ERI3: variants seen among roughly 807,000 people sequenced by gnomAD.
ERI3 encodes the protein ERI1 exoribonuclease 3.
ERI3 carries 18 observed loss-of-function variants against 44.4 expected under a neutral mutation model. The ratio of observed to expected loss-of-function variants is 0.41; its 90% CI spans 0.28 to 0.60. ERI3 has a LOEUF of 0.60. ERI3 is among the 20% of genes least tolerant of loss of function. The pLI is 0.36. For missense variants in ERI3, 294 were observed against 435.5 expected (o/e 0.68, Z 2.89); for synonymous variants, 183 against 164.8 (o/e 1.11, Z -0.84).
chr1:44,248,468 C>T (rs1264572942), intron 7 of ERI3, among the ~76,000 whole-genome samples: 1 of 152,130 alleles, frequency 6.6e-6, no homozygotes, highest in Non-Finnish European at 1.5e-5. Flanking sequence ...TCAGGCAGGA[C>T]CTTGGAAACC....
Position 44,221,644 on chromosome 1 carries a change from A to T in ERI3, c.932-4T>A, listed in dbSNP as rs766572632. On this transcript the variant is annotated splice_region_variant and splice_polypyrimidine_tract_variant and intron_variant, in intron 8 of 8. Coordinates refer to ENST00000372257, the MANE Select transcript of ERI3 (RefSeq NM_024066.3). This position sits in a 1 kb window ranked among gnomAD's most constrained non-coding sequence, Gnocchi z 5.9. ...TTGGCAATGTTCTTGCAGTCGTCTA[A>T]AAAGGAGAGAAGACATTTAGATCAG... is the stretch of plus-strand genomic sequence containing the variant. The T allele has an allele frequency of 6.2e-7, 1 of 1,613,130 alleles. No individual in the cohort carries two copies. Among genetic ancestry groups the T allele is most frequent in the East Asian group, 2.2e-5 (1 of 44,866 alleles).
intron 7 of ERI3, among the ~76,000 whole-genome samples, chr1:44,260,644 CTCAGTTTCT>C (rs1332026372): frequency 2.0e-5 from 3 of 152,188 alleles, no homozygotes; most frequent in African/African-American, 7.2e-5. Flanking sequence ...GCCCCTGGGT[CTCAGTTTCT>C]TCACTGAAAA....
At chr1:44,236,129 AG>A (rs969384655) in intron 8 of ERI3, among the ~76,000 whole-genome samples, 1 of 152,178 alleles carries the variant, frequency 6.6e-6, no homozygotes, top group African/African-American at 2.4e-5. Flanking sequence ...ATTAATCATG[AG>A]GACTAATGGG....
intron 8 of ERI3, among the ~76,000 whole-genome samples, chr1:44,230,716 C>T (rs1644162240): frequency 6.6e-6 from 1 of 152,224 alleles, no homozygotes; most frequent in African/African-American, 2.4e-5. Flanking sequence ...GGCCACCTCC[C>T]TCCCGAGAGA....
intron 6 of ERI3, among the ~76,000 whole-genome samples, chr1:44,302,897 T>C (rs1645756621): frequency 6.6e-6 from 1 of 152,234 alleles, no homozygotes; most frequent in Non-Finnish European, 1.5e-5. Flanking sequence ...TATGTGCCCT[T>C]GACAAATTAC....
At position 44,348,748 on chromosome 1, in the gene ERI3, G is replaced by A. The variant is rs112229081; in HGVS notation, c.211+4102C>T. Among the ~76,000 whole-genome samples, 829 of 152,366 alleles carry A rather than the reference G, an allele frequency of 5.4e-3. 6 individuals are homozygous for A. The highest frequency in any genetic ancestry group is 0.019 in the African/African-American group (782 of 41,584). ...ATGCATCAGACTGCAGTTCTGCAAT[G>A]ACTATGCACCTCTCACTCAAGGAAA... On this transcript the variant is annotated intron_variant, in intron 2 of 8. Coordinates refer to ENST00000372257, the MANE Select transcript of ERI3 (RefSeq NM_024066.3).
chr1:44,264,758 T>C (rs956369942), intron 7 of ERI3, among the ~76,000 whole-genome samples: 1 of 152,178 alleles, frequency 6.6e-6, no homozygotes, highest in African/African-American at 2.4e-5. Context: ...AAAGCCTAGA[T>C]TTACTGCCCA....
At position 44,310,951 on chromosome 1, in the gene ERI3, T is replaced by TCGCGCG. The variant is rs141114785; in HGVS notation, c.666+2212_666+2217dup. ...CCAACTCCTTGCATGTATGTGCACATCGCGCGCGCGCGCACACACACACAC... is the reference window on the plus strand; with the variant it reads ...CCAACTCCTTGCATGTATGTGCACATCGCGCGCGCGCGCGCGCGCACACACACACAC... On this transcript the variant is annotated intron_variant, in intron 5 of 8. Transcript: ENST00000372257. 7.5e-3 allele frequency among the ~76,000 whole-genome samples: 710 copies of TCGCGCG among 94,630 alleles called. 8 individuals are homozygous for TCGCGCG. Among genetic ancestry groups the TCGCGCG allele is most frequent in the Non-Finnish European group, 8.5e-3 (388 of 45,566 alleles). 62.1% of individuals were successfully genotyped at this position (94,630 alleles called of 152,430 possible). A position where few individuals can be genotyped will look rare whatever the true frequency, so the allele number is the denominator to read the frequency against.
At chr1:44,236,915 T>C (rs1644317984) in intron 8 of ERI3, among the ~76,000 whole-genome samples, 1 of 152,210 alleles carries the variant, frequency 6.6e-6, no homozygotes, top group Non-Finnish European at 1.5e-5. Flanking sequence ...TGGTGATTTC[T>C]TGATCTTGTG....
Position 44,308,299 on chromosome 1 carries a change from C to T in ERI3, c.758+11G>A. ...AAGCCCTGCCAGCAAAGCAGCCCTT[C>T]TCATACTCACATGACTTTTAAGTCC... On this transcript the variant is annotated intron_variant, in intron 6 of 8. Coordinates refer to ENST00000372257, the MANE Select transcript of ERI3 (RefSeq NM_024066.3). 6.2e-7 allele frequency: 1 copy of T among 1,604,638 alleles called. No homozygotes were observed. Among genetic ancestry groups the T allele is most frequent in the Non-Finnish European group, 8.5e-7 (1 of 1,171,318 alleles).
At chr1:44,350,097 A>C (rs1646859243) in intron 2 of ERI3, among the ~76,000 whole-genome samples, 1 of 152,196 alleles carries the variant, frequency 6.6e-6, no homozygotes, top group African/African-American at 2.4e-5. Flanking sequence ...CATATATAGA[A>C]TGAGGACAAT....
chr1:44,337,799 T>A lies in ERI3; in HGVS notation c.489+1246A>T, dbSNP rs137905280. On this transcript the variant is annotated intron_variant, in intron 3 of 8. Transcript: ENST00000372257. ...AACCATGACAGACAAACCCAGTTTA[T>A]CTTTAAATGGACCACACTCCTCCCT... 1.9e-4 allele frequency among the ~76,000 whole-genome samples: 29 copies of A among 152,336 alleles called. No individual in the cohort carries two copies. The East Asian group carries it at 5.4e-3, about 28-fold the overall frequency.
chr1:44,342,460 G>A lies in ERI3; in HGVS notation c.212-3138C>T, dbSNP rs568474422. On this transcript the variant is annotated intron_variant, in intron 2 of 8. Coordinates refer to ENST00000372257, the MANE Select transcript of ERI3 (RefSeq NM_024066.3). ...AATATGGAAAGGGAGAAAATCTGTG[G>A]TGTTGGATTGGAATTGGCAGGAAGA... Among the ~76,000 whole-genome samples, 7 of 152,158 alleles carry A rather than the reference G, an allele frequency of 4.6e-5. 2 individuals are homozygous for A. The highest frequency in any genetic ancestry group is 1.7e-4 in the African/African-American group (7 of 41,518).
intron 6 of ERI3, among the ~76,000 whole-genome samples, chr1:44,304,222 G>C (rs531003077): frequency 6.6e-6 from 1 of 152,112 alleles, no homozygotes; most frequent in Non-Finnish European, 1.5e-5. Context: ...CTTTTCTCCA[G>C]TTGGAGAAAA....
intron 5 of ERI3, among the ~76,000 whole-genome samples, chr1:44,310,145 T>C (rs931108906): frequency 1.3e-5 from 2 of 152,136 alleles, no homozygotes; most frequent in African/African-American, 2.4e-5. Flanking sequence ...ATCATCATAA[T>C]ACAATAGATC....
At chr1:44,354,429 C>T (rs1470868570) in intron 1 of ERI3, 6 of 985,230 alleles carry the variant, frequency 6.1e-6, no homozygotes, top group Non-Finnish European at 6.0e-6. Flanking sequence ...CAAGTTCATG[C>T]TTTTTTTAAG....
chr1:44,323,289 C>T (rs1646242147), intron 3 of ERI3, among the ~76,000 whole-genome samples: 1 of 152,202 alleles, frequency 6.6e-6, no homozygotes, highest in African/African-American at 2.4e-5. Flanking sequence ...TGGAGAAGCA[C>T]ATGGACTATG....
intron 7 of ERI3, among the ~76,000 whole-genome samples, chr1:44,258,798 A>C (rs1353993473): frequency 6.6e-6 from 1 of 152,166 alleles, no homozygotes. Context: ...AGTAGATAAG[A>C]TCACCCAGGA....
At chr1:44,273,466 T>G (rs1004087177) in intron 7 of ERI3, among the ~76,000 whole-genome samples, 4 of 152,248 alleles carry the variant, frequency 2.6e-5, no homozygotes, top group African/African-American at 9.6e-5. Context: ...GTCTGGGAAT[T>G]CCAGCAGAGG....
Sources: gnomAD v4.1 joint callset for allele counts (sites outside exome capture counted in the v4.1 genomes callset) on GRCh38, gnomAD v4.1.1 for gene constraint, Gnocchi (gnomAD v3.1) non-coding constraint, MANE v1.5 for transcripts, NCBI Gene and HGNC (gene_info 2026-07-23, HGNC 2026-07-21) for gene names.